CD44: variants seen among roughly 807,000 people sequenced by gnomAD.
CD44 encodes CD44 molecule (IN blood group).
Under a neutral mutation model 88.8 loss-of-function variants are expected in CD44, and 49 were observed. The observed-to-expected ratio is 0.55, with a 90% confidence interval of 0.44 to 0.70. CD44 has a LOEUF of 0.70. CD44 is among the 30% of genes least tolerant of loss of function. The pLI, the probability that CD44 is intolerant of heterozygous loss-of-function variation, is 0.00. For missense variants in CD44, 883 were observed against 913.8 expected, an observed-to-expected ratio of 0.97 and a Z score of 0.43; for synonymous variants, 325 against 312.3, an observed-to-expected ratio of 1.04 and a Z score of -0.43.
At chr11:35,227,047 A>G (rs1949753047) in intron 17 of CD44, among the ~76,000 whole-genome samples, 1 of 151,614 alleles carries the variant, frequency 6.6e-6, no homozygotes, top group Admixed American at 6.6e-5. Context: ...CCATGCCCCC[A>G]TGACCGGCTA....
intron 1 of CD44, among the ~76,000 whole-genome samples, chr11:35,172,006 C>T (rs372897491): frequency 6.6e-6 from 1 of 151,994 alleles, no homozygotes; most frequent in Non-Finnish European, 1.5e-5. Context: ...CTTTTCGATA[C>T]ATTTTTTCTT....
chr11:35,198,745 G>A (rs536486868), intron 7 of CD44, among the ~76,000 whole-genome samples: 2 of 152,114 alleles, frequency 1.3e-5, no homozygotes, highest in Non-Finnish European at 2.9e-5. Flanking sequence ...CTGGGAGGCC[G>A]AGGCGGGCAG....
chr11:35,205,874 T>C (rs1419399894), intron 10 of CD44: 5 of 1,146,132 alleles, frequency 4.4e-6, no homozygotes, highest in Non-Finnish European at 5.4e-6. Context: ...ACTGCGGGAG[T>C]TGTTAATGCT....
chr11:35,164,615 A>T (rs1943049112), intron 1 of CD44, among the ~76,000 whole-genome samples: 1 of 152,112 alleles, frequency 6.6e-6, no homozygotes, highest in African/African-American at 2.4e-5. Flanking sequence ...GCAGTTTTTG[A>T]TTGTATAAAT....
At chr11:35,217,756 A>G (rs1420801733) in intron 15 of CD44, among the ~76,000 whole-genome samples, 2 of 152,152 alleles carry the variant, frequency 1.3e-5, no homozygotes, top group Admixed American at 6.5e-5. Flanking sequence ...ATTTTCATCC[A>G]TTGATCAGCC....
chr11:35,142,542 G>A (rs1375414661), intron 1 of CD44, among the ~76,000 whole-genome samples: 1 of 152,130 alleles, frequency 6.6e-6, no homozygotes, highest in Non-Finnish European at 1.5e-5. Context: ...CTCTAATTGA[G>A]CATTAGAGAC....
chr11:35,220,553 C>G (rs1183755610), intron 16 of CD44, among the ~76,000 whole-genome samples: 2 of 152,148 alleles, frequency 1.3e-5, no homozygotes, highest in Non-Finnish European at 1.5e-5. Flanking sequence ...ATATACAACC[C>G]ACTTTGCAAC....
intron 2 of CD44, 78 bp downstream of exon 2, chr11:35,176,818 C>A (rs916654275): frequency 6.8e-5 from 94 of 1,375,288 alleles, no homozygotes; most frequent in Non-Finnish European, 8.7e-5. Context: ...TGGAAGGCTC[C>A]TTTCCCACAG....
chr11:35,166,332 G>A (rs1195365296), intron 1 of CD44, among the ~76,000 whole-genome samples: 1 of 151,914 alleles, frequency 6.6e-6, no homozygotes, highest in Non-Finnish European at 1.5e-5. Flanking sequence ...TGAAGCAACA[G>A]TTCTGGGACA....
At chr11:35,164,346 G>A (rs1353676207) in intron 1 of CD44, among the ~76,000 whole-genome samples, 6 of 152,168 alleles carry the variant, frequency 3.9e-5, no homozygotes, top group African/African-American at 1.4e-4. Flanking sequence ...CTGTGAAATG[G>A]GGGTGATTTT....
intron 5 of CD44, among the ~76,000 whole-genome samples, chr11:35,192,832 G>A (rs1397747808): frequency 2.1e-5 from 3 of 141,978 alleles, no homozygotes; most frequent in Non-Finnish European, 4.6e-5. Context: ...TGGCCTATTT[G>A]GGTGGGGAAA....
chr11:35,204,394 C>T (rs1437240605), intron 9 of CD44, 118 bp from the exon 10 acceptor site: 6 of 870,058 alleles, frequency 6.9e-6, no homozygotes, highest in African/African-American at 1.7e-5. Flanking sequence ...TTCCTTGGTG[C>T]CTTTCTTTTC....
chr11:35,143,114 C>T (rs141835141), intron 1 of CD44, among the ~76,000 whole-genome samples: 1 of 152,122 alleles, frequency 6.6e-6, no homozygotes, highest in Non-Finnish European at 1.5e-5. Context: ...TTATATATTA[C>T]TCTACAATAT....
chr11:35,142,018 C>T (rs543159979), intron 1 of CD44, among the ~76,000 whole-genome samples: 1 of 152,064 alleles, frequency 6.6e-6, no homozygotes, highest in Non-Finnish European at 1.5e-5. Flanking sequence ...GAGAAATGGC[C>T]AAATGTAGTT....
intron 4 of CD44, among the ~76,000 whole-genome samples, chr11:35,187,891 A>G (rs1156524275): frequency 1.3e-5 from 2 of 152,188 alleles, no homozygotes; most frequent in East Asian, 1.9e-4. Context: ...AAAAATAGAC[A>G]TGGGGGTCTC....
chr11:35,221,178 A>G (rs1949265833), intron 16 of CD44, among the ~76,000 whole-genome samples: 1 of 152,164 alleles, frequency 6.6e-6, no homozygotes, highest in South Asian at 2.1e-4. Flanking sequence ...TTTCCTCCTC[A>G]TATTGTAGTG....
At chr11:35,214,376 T>G (rs551555708) in intron 14 of CD44, among the ~76,000 whole-genome samples, 1 of 152,300 alleles carries the variant, frequency 6.6e-6, no homozygotes, top group Admixed American at 6.5e-5. Flanking sequence ...GCATACTAAT[T>G]TCCTGCCGCC....
chr11:35,176,047 T>A (rs1429103817), intron 1 of CD44, among the ~76,000 whole-genome samples: 1 of 89,596 alleles, frequency 1.1e-5, no homozygotes, highest in South Asian at 3.0e-4. Context: ...GTATTTTTTT[T>A]TTTTTTTTTT....
At chr11:35,166,467 T>C (rs1053448190) in intron 1 of CD44, among the ~76,000 whole-genome samples, 3 of 151,910 alleles carry the variant, frequency 2.0e-5, no homozygotes, top group African/African-American at 7.3e-5. Flanking sequence ...AGTACTGTTC[T>C]CCAAACTCTC....
Sources: allele counts gnomAD v4.1 joint callset (sites outside exome capture counted in the v4.1 genomes callset), GRCh38; gene constraint gnomAD v4.1.1; transcripts MANE v1.5; gene names NCBI Gene and HGNC (gene_info 2026-07-23, HGNC 2026-07-21).